The following TNIP3 variants were observed in gnomAD, a reference collection of about 807,000 sequenced individuals.
The protein encoded by TNIP3 is TNFAIP3 interacting protein 3.
A neutral mutation model predicts 54.1 loss-of-function variants in TNIP3; 34 were observed. That is an observed-to-expected ratio of 0.63 (90% CI 0.48 to 0.84). The LOEUF (loss-of-function observed/expected upper bound fraction) is 0.84, where lower values mean the gene tolerates loss of function less well. Ranked by LOEUF, TNIP3 falls within the 40% of genes least tolerant of loss-of-function variation. The pLI, the probability that TNIP3 is intolerant of heterozygous loss-of-function variation, is 0.00. For missense variants in TNIP3, 366 were observed against 387.6 expected (o/e 0.94, Z 0.47); for synonymous variants, 134 against 136.8 (o/e 0.98, Z 0.14).
intron 5 of TNIP3, among the ~76,000 whole-genome samples, 197 bp from the exon 6 acceptor site, chr4:121,150,416 C>T (rs1349572948): frequency 6.6e-6 from 1 of 151,702 alleles, no homozygotes; most frequent in Admixed American, 6.6e-5. Flanking sequence ...GTCTTTTTTC[C>T]ATGATGATGC....
At chr4:121,167,320 T>C (rs554100431), upstream of TNIP3, among the ~76,000 whole-genome samples, 1 of 152,134 alleles carries the variant, frequency 6.6e-6, no homozygotes. Context: ...AAATGAATGA[T>C]AGAGACAATA....
chr4:121,133,284 T>C (rs1225037769), intron 10 of TNIP3, among the ~76,000 whole-genome samples: 3 of 152,206 alleles, frequency 2.0e-5, no homozygotes, highest in Non-Finnish European at 4.4e-5. Context: ...AAAAATATGC[T>C]GAATGTTTTG....
intron 6 of TNIP3, among the ~76,000 whole-genome samples, chr4:121,149,845 C>T (rs1729640318): frequency 6.6e-6 from 1 of 152,144 alleles, no homozygotes; most frequent in East Asian, 1.9e-4. Context: ...GGTTAATTGG[C>T]GTGCCCCTCT....
intron 10 of TNIP3, among the ~76,000 whole-genome samples, chr4:121,133,023 C>T (rs1437297357): frequency 2.6e-5 from 4 of 152,114 alleles, no homozygotes; most frequent in Non-Finnish European, 5.9e-5. Flanking sequence ...AGAAAGAAAA[C>T]TTGCCAAATA....
intron 2 of TNIP3, among the ~76,000 whole-genome samples, chr4:121,183,321 A>C (rs969670330): frequency 3.9e-5 from 6 of 152,182 alleles, no homozygotes; most frequent in Non-Finnish European, 7.3e-5. Context: ...ATCCCTAAGC[A>C]GCTACTTGCC....
At chr4:121,205,928 C>T (rs953385127) in intron 2 of TNIP3, among the ~76,000 whole-genome samples, 4 of 152,080 alleles carry the variant, frequency 2.6e-5, no homozygotes, top group South Asian at 2.1e-4. Flanking sequence ...TGGCGGAAGG[C>T]GAAGGGGAAG....
intron 2 of TNIP3, among the ~76,000 whole-genome samples, chr4:121,206,064 C>G (rs915129670): frequency 3.9e-5 from 6 of 152,118 alleles, no homozygotes; most frequent in Non-Finnish European, 8.8e-5. Context: ...GGGGTAACTA[C>G]TCCCATGATT....
At chr4:121,180,081 G>A (rs937261838) in intron 3 of TNIP3, among the ~76,000 whole-genome samples, 4 of 151,938 alleles carry the variant, frequency 2.6e-5, no homozygotes, top group African/African-American at 9.7e-5. Context: ...GCGGGGAGGG[G>A]TGGTGAGGGT....
intron 2 of TNIP3, among the ~76,000 whole-genome samples, chr4:121,197,518 C>T (rs1281715016): frequency 1.2e-4 from 16 of 132,154 alleles, no homozygotes; most frequent in South Asian, 4.6e-4. Context: ...GGTGACAGAG[C>T]GAGACTCTGT....
intron 3 of TNIP3, among the ~76,000 whole-genome samples, chr4:121,181,510 A>C (rs557800328): frequency 7.1e-4 from 108 of 152,330 alleles, no homozygotes; most frequent in Non-Finnish European, 1.3e-3. Flanking sequence ...GTTTTTAGAC[A>C]CGAAAAAGTG....
intron 3 of TNIP3, among the ~76,000 whole-genome samples, chr4:121,169,486 G>A (rs1730952310): frequency 6.6e-6 from 1 of 151,708 alleles, no homozygotes; most frequent in South Asian, 2.1e-4. Flanking sequence ...TTTGTTGATT[G>A]CCTCCCGACA....
intron 9 of TNIP3, among the ~76,000 whole-genome samples, chr4:121,140,913 G>T (rs1455240415): frequency 1.3e-4 from 20 of 152,108 alleles, no homozygotes; most frequent in Admixed American, 6.5e-5. Flanking sequence ...GCCACCCAAA[G>T]AGTCATTATC....
intron 1 of TNIP3, among the ~76,000 whole-genome samples, chr4:121,223,027 G>A (rs1168043745): frequency 6.6e-6 from 1 of 152,072 alleles, no homozygotes; most frequent in Non-Finnish European, 1.5e-5. Flanking sequence ...GGATGGTCTC[G>A]ATCTCCTGAC....
chr4:121,189,160 C>T (rs544338761), intron 2 of TNIP3, among the ~76,000 whole-genome samples: 2 of 152,282 alleles, frequency 1.3e-5, no homozygotes, highest in African/African-American at 4.8e-5. Flanking sequence ...TAAGTGATAG[C>T]AAAGCCAAAA....
At chr4:121,222,709 G>A (rs914118542) in intron 1 of TNIP3, among the ~76,000 whole-genome samples, 1 of 151,914 alleles carries the variant, frequency 6.6e-6, no homozygotes, top group Non-Finnish European at 1.5e-5. Context: ...CGATTTTTAT[G>A]GGACATAAAT....
chr4:121,224,975 TATCTATA>T (rs1727197461), intron 1 of TNIP3, among the ~76,000 whole-genome samples: 1 of 152,204 alleles, frequency 6.6e-6, no homozygotes, highest in Non-Finnish European at 1.5e-5. Flanking sequence ...GTAATCTATA[TATCTATA>T]TTTATTCACA....
At chr4:121,182,890 T>C (rs1724797019) in intron 2 of TNIP3, 1 of 1,260,480 alleles carries the variant, frequency 7.9e-7, no homozygotes, top group African/African-American at 1.5e-5. Context: ...GGAGGTGTTA[T>C]TTATGTATGA....
chr4:121,134,000 GA>G lies in TNIP3; in HGVS notation c.947-1339del, dbSNP rs573840612. On this transcript the variant is annotated intron_variant, in intron 10 of 10. Transcript: ENST00000057513. The stretch of plus-strand genomic sequence containing the variant: ...TTGGATATCTAACCTCCAGAGCTAT[GA>G]AAAAAAAAGTTTTTCTATTTTAAGC... 1.7e-3 allele frequency among the ~76,000 whole-genome samples: 257 copies of G among 151,136 alleles called. 1 individual carries two copies. The highest frequency in any genetic ancestry group is 5.5e-3 in the African/African-American group (227 of 41,214).
At chr4:121,225,419 A>AT (rs770591577) in intron 1 of TNIP3, among the ~76,000 whole-genome samples, 1 of 152,124 alleles carries the variant, frequency 6.6e-6, no homozygotes, top group African/African-American at 2.4e-5. Flanking sequence ...TTAGAAAAGC[A>AT]TTTTTTCTTC....
Sources: gnomAD v4.1 joint callset for allele counts (sites outside exome capture counted in the v4.1 genomes callset) on GRCh38, gnomAD v4.1.1 for gene constraint, MANE v1.5 for transcripts, NCBI Gene and HGNC (gene_info 2026-07-23, HGNC 2026-07-21) for gene names.